NEBL: variants seen among roughly 807,000 people sequenced by gnomAD.
NEBL encodes LIM and SH3 protein 2.
NEBL carries 122 observed loss-of-function variants against 140.2 expected under a neutral mutation model. The observed-to-expected ratio is 0.87, with a 90% CI of 0.75 to 1.01. The LOEUF is 1.01. NEBL is among the 50% of genes least tolerant of loss of function. NEBL has a pLI of 0.00. For synonymous variants in NEBL, 436 were observed against 398.9 expected, an observed-to-expected ratio of 1.09 and a Z score of -1.11; for missense variants, 1,365 against 1,231.3, an observed-to-expected ratio of 1.11 and a Z score of -1.62.
At chr10:20,990,338 A>G (rs1471834638) in intron 3 of NEBL, among the ~76,000 whole-genome samples, 2 of 152,178 alleles carry the variant, frequency 1.3e-5, no homozygotes, top group Non-Finnish European at 2.9e-5. Context: ...CCTAATCTCC[A>G]GTGTGATGAT....
At chr10:21,150,775 G>C (rs1281224951) in intron 2 of NEBL, among the ~76,000 whole-genome samples, 1 of 152,082 alleles carries the variant, frequency 6.6e-6, no homozygotes, top group Non-Finnish European at 1.5e-5. Context: ...CATTTATTAT[G>C]AGCTCACAAA....
In NEBL at chr10:20,782,407, T is replaced by C. The variant is rs1835092051; in HGVS notation, c.*3340A>G. 6.6e-6 allele frequency: 1 copy of C among 152,638 alleles called. No individual in the cohort carries two copies. Among genetic ancestry groups the C allele is most frequent in the African/African-American group, 2.4e-5 (1 of 41,458 alleles). 9.5% of individuals were successfully genotyped at this position (152,638 alleles called of 1,614,324 possible). A position where few individuals can be genotyped will look rare whatever the true frequency, so the allele number is the denominator to read the frequency against. On this transcript the variant is annotated 3_prime_UTR_variant, in exon 28 of 28. Transcript: ENST00000377122. Reference sequence around the variant, plus strand: ...TTTCTTCATCTTTTATTGAAAACATTCCACTGGAGATGGATGAACCTGAAA... The same window carrying C: ...TTTCTTCATCTTTTATTGAAAACATCCCACTGGAGATGGATGAACCTGAAA...
chr10:21,232,027 A>G (rs1842272034), intron 3 of NEBL, among the ~76,000 whole-genome samples: 3 of 152,200 alleles, frequency 2.0e-5, no homozygotes, highest in Admixed American at 6.5e-5. Flanking sequence ...ACAATATGAT[A>G]TCAAATTATA....
chr10:20,823,765 TAAATAAGG>T (rs1271504879), intron 18 of NEBL, among the ~76,000 whole-genome samples: 1 of 150,876 alleles, frequency 6.6e-6, no homozygotes, highest in African/African-American at 2.4e-5. Context: ...AATAAGGAAA[TAAATAAGG>T]AAATAAGGAA....
intron 4 of NEBL, among the ~76,000 whole-genome samples, chr10:20,944,686 T>G (rs938903528): frequency 6.6e-6 from 1 of 152,234 alleles, no homozygotes; most frequent in African/African-American, 2.4e-5. Context: ...GAGCACACCA[T>G]TGCCCAATTT....
At chr10:20,866,503 C>T (rs1045094514) in intron 7 of NEBL, among the ~76,000 whole-genome samples, 2 of 152,184 alleles carry the variant, frequency 1.3e-5, no homozygotes, top group Non-Finnish European at 2.9e-5. Context: ...TTCATCATCA[C>T]ACAATATCTA....
chr10:21,055,534 C>A (rs4748745), intron 2 of NEBL, among the ~76,000 whole-genome samples: 59,608 of 151,938 alleles, frequency 0.39, 11,773 homozygotes, highest in Middle Eastern at 0.47. Context: ...GGTTACCATT[C>A]TGCATGTAAC....
chr10:21,273,553 G>A (rs1007664914), intron 1 of NEBL, among the ~76,000 whole-genome samples: 2 of 151,848 alleles, frequency 1.3e-5, no homozygotes, highest in African/African-American at 4.8e-5. Context: ...TTGACACTGA[G>A]GAAGTGGACA....
Position 20,859,775 on chromosome 10 carries a change from AATG to A in NEBL, c.733_735del (p.His245del). The stretch of plus-strand genomic sequence containing the variant: ...AAAGAAGCACTTTCAAGAGGATTGT[AATG>A]ATGTTTCTTATCCTTCATTTCATTA... On this transcript the variant is annotated inframe_deletion, in exon 8 of 28. Coordinates refer to ENST00000377122, the MANE Select transcript of NEBL (RefSeq NM_006393.3). 1.2e-6 allele frequency: 2 copies of A among 1,603,116 alleles called. No homozygotes were observed. Among genetic ancestry groups the A allele is most frequent in the South Asian group, 1.1e-5 (1 of 90,338 alleles).
At chr10:20,914,267 T>C (rs1300751785) in intron 4 of NEBL, among the ~76,000 whole-genome samples, 3 of 152,196 alleles carry the variant, frequency 2.0e-5, no homozygotes, top group African/African-American at 7.2e-5. Flanking sequence ...TATTCAACTA[T>C]ATACAGGCTA....
intron 2 of NEBL, among the ~76,000 whole-genome samples, chr10:21,107,859 C>T (rs1837794422): frequency 6.6e-6 from 1 of 152,084 alleles, no homozygotes; most frequent in African/African-American, 2.4e-5. Flanking sequence ...TGTCATTGGT[C>T]TATTCAGAGA....
At chr10:20,822,518 T>C (rs1300457260) in intron 19 of NEBL, among the ~76,000 whole-genome samples, 5 of 151,606 alleles carry the variant, frequency 3.3e-5, no homozygotes, top group Non-Finnish European at 7.4e-5. Context: ...AGATAGTCCA[T>C]ATGTCTATAT....
intron 2 of NEBL, chr10:21,070,162 A>G: frequency 8.4e-6 from 3 of 355,216 alleles, no homozygotes; most frequent in Non-Finnish European, 1.7e-5. Flanking sequence ...TGGCCAGGAC[A>G]CTGGGGCTAA....
chr10:21,035,293 C>T (rs1217875353), intron 2 of NEBL, among the ~76,000 whole-genome samples: 1 of 151,696 alleles, frequency 6.6e-6, no homozygotes, highest in Non-Finnish European at 1.5e-5. Flanking sequence ...CCACCATGCC[C>T]AGCCCCCAAG....
intron 4 of NEBL, among the ~76,000 whole-genome samples, chr10:20,933,083 C>T (rs1182619689): frequency 2.0e-5 from 3 of 151,954 alleles, no homozygotes; most frequent in African/African-American, 7.3e-5. Flanking sequence ...AAGGTACAAT[C>T]GATTAGAAGA....
intron 2 of NEBL, among the ~76,000 whole-genome samples, chr10:21,067,271 G>A (rs1018177210): frequency 1.3e-5 from 2 of 152,056 alleles, no homozygotes; most frequent in Non-Finnish European, 2.9e-5. Flanking sequence ...GCGCCCAGCC[G>A]AAATAATTTA....
At chr10:21,118,887 A>G (rs924041029) in intron 2 of NEBL, among the ~76,000 whole-genome samples, 6 of 152,198 alleles carry the variant, frequency 3.9e-5, no homozygotes, top group African/African-American at 1.4e-4. Flanking sequence ...GTTCAGCACA[A>G]GTGACATCCT....
At chr10:21,209,047 C>T (rs550357531) in intron 3 of NEBL, among the ~76,000 whole-genome samples, 7 of 152,210 alleles carry the variant, frequency 4.6e-5, no homozygotes, top group African/African-American at 1.4e-4. Context: ...TTAAGGAATC[C>T]GGCTTCTCCT....
chr10:20,967,026 A>C (rs1248147005), intron 3 of NEBL, among the ~76,000 whole-genome samples: 1 of 152,178 alleles, frequency 6.6e-6, no homozygotes, highest in African/African-American at 2.4e-5. Context: ...AGGAGAGTTC[A>C]CGTTAAAAGG....
Sources: gnomAD v4.1 joint callset for allele counts (sites outside exome capture counted in the v4.1 genomes callset) on GRCh38, gnomAD v4.1.1 for gene constraint, MANE v1.5 for transcripts, NCBI Gene and HGNC (gene_info 2026-07-23, HGNC 2026-07-21) for gene names.